SREK1IP1: variants seen among roughly 807,000 people sequenced by gnomAD.
SREK1IP1 encodes the protein protein SREK1IP1.
SREK1IP1 carries 12 observed loss-of-function variants against 22.8 expected under a neutral mutation model. The ratio of observed to expected loss-of-function variants is 0.53; its 90% CI spans 0.34 to 0.85. The LOEUF (loss-of-function observed/expected upper bound fraction) is 0.85, where lower values mean the gene tolerates loss of function less well. Ranked by LOEUF, SREK1IP1 falls within the 40% of genes least tolerant of loss-of-function variation. The pLI, the probability that SREK1IP1 is intolerant of heterozygous loss-of-function variation, is 0.02. For synonymous variants in SREK1IP1, 53 were observed against 52.7 expected (o/e 1.01, Z -0.02); for missense variants, 147 against 171.8 (o/e 0.86, Z 0.81).
In SREK1IP1 at chr5:64,729,252, C is replaced by A. The variant is rs76899208; in HGVS notation, c.206-1073G>T. Among the ~76,000 whole-genome samples the A allele has an allele frequency of 3.3e-5, 5 of 152,244 alleles. No homozygotes were observed. In the East Asian group the frequency reaches 9.7e-4, roughly 29 times the overall value. ...GTACTGGGTCTTTGCTGTGCATGAT[C>A]CTTGCCCACAGGGAACTTATAGTTA... On this transcript the variant is annotated intron_variant, in intron 3 of 4. Coordinates refer to ENST00000513458, the MANE Select transcript of SREK1IP1 (RefSeq NM_173829.4).
In SREK1IP1 at chr5:64,724,512, T is replaced by G. The variant is rs878983757; in HGVS notation, c.340A>C (p.Lys114Gln). ...TSKQKKQKYQKKEKKKEKKSK... is the reference protein window; with the variant it reads ...TSKQKKQKYQQKEKKKEKKSK... ...TTTTTTTCTTTTTTCTTTTCTTTCT[T>G]CTGATATTTTTGTTTCTTTTGTTTT... Residue 114 changes from lysine (K) to glutamine (Q), a missense_variant, in exon 5 of 5, where the codon AAG becomes CAG. Lys to Gln is a moderately conservative substitution (Grantham distance 53). Transcript: ENST00000513458. 1.4e-5 allele frequency: 22 copies of G among 1,591,860 alleles called. 1 individual carries two copies. The South Asian group carries it at 2.0e-4, about 14-fold the overall frequency.
At chr5:64,767,225 C>T (rs1421405195) in intron 1 of SREK1IP1, among the ~76,000 whole-genome samples, 1 of 152,206 alleles carries the variant, frequency 6.6e-6, no homozygotes, top group Non-Finnish European at 1.5e-5. Context: ...CTCCTAAGTG[C>T]TACCTCCTTT....
At chr5:64,724,619 A>G in intron 4 of SREK1IP1, 46 bp from the exon 5 acceptor site, 1 of 1,371,332 alleles carries the variant, frequency 7.3e-7, no homozygotes, top group Non-Finnish European at 9.7e-7. Context: ...TTTATGACTG[A>G]TAGATAAATT....
Position 64,728,171 on chromosome 5 carries a change from CA to C in SREK1IP1, c.213del (p.Asn71LysfsTer17). The C allele has an allele frequency of 2.2e-6, 3 of 1,387,916 alleles. No individual in the cohort carries two copies. The highest frequency in any genetic ancestry group is 2.8e-6 in the Non-Finnish European group (3 of 1,063,130). 86.0% of individuals were successfully genotyped at this position (1,387,916 alleles called of 1,614,324 possible). On this transcript the variant is annotated frameshift_variant, in exon 4 of 5. Coordinates refer to ENST00000513458, the MANE Select transcript of SREK1IP1 (RefSeq NM_173829.4). LOFTEE classifies it high-confidence loss of function. Reference sequence around the variant, plus strand: ...TTTTCTTTCTTCTTTTCCTCTTCTTCATTTATTCCTGTGGGGGAGAGGTGAG... The same window carrying C: ...TTTTCTTTCTTCTTTTCCTCTTCTTCTTTATTCCTGTGGGGGAGAGGTGAG... ...KLQALQEKRI[N>X]EEEEKKKEKS...
chr5:64,767,166 A>C (rs1432258695), intron 1 of SREK1IP1, among the ~76,000 whole-genome samples: 2 of 151,916 alleles, frequency 1.3e-5, no homozygotes, highest in Non-Finnish European at 2.9e-5. Context: ...AGTTCCTCCG[A>C]CTGCAGTCTC....
intron 3 of SREK1IP1, among the ~76,000 whole-genome samples, chr5:64,736,744 T>C (rs988229942): frequency 6.6e-6 from 1 of 152,088 alleles, no homozygotes; most frequent in Non-Finnish European, 1.5e-5. Context: ...ATTATAGGTG[T>C]GAGCCATCAT....
At chr5:64,754,512 T>G (rs947599435) in intron 1 of SREK1IP1, 150 bp from the exon 2 acceptor site, 1 of 665,624 alleles carries the variant, frequency 1.5e-6, no homozygotes, top group Non-Finnish European at 2.6e-6. Context: ...TCACCAAGGC[T>G]AGAGTACACT....
At chr5:64,754,794 A>T (rs1338599351) in intron 1 of SREK1IP1, 7 of 154,760 alleles carry the variant, frequency 4.5e-5, no homozygotes, top group Middle Eastern at 3.4e-3. Context: ...CAACAACAAA[A>T]AATCATCTCT....
intron 1 of SREK1IP1, among the ~76,000 whole-genome samples, chr5:64,759,106 A>G (rs762965732): frequency 2.0e-5 from 3 of 152,212 alleles, no homozygotes; most frequent in African/African-American, 4.8e-5. Context: ...CACTGGCAGT[A>G]GCAGCCCTAA....
intron 4 of SREK1IP1, among the ~76,000 whole-genome samples, chr5:64,726,504 A>G (rs1015696463): frequency 1.3e-5 from 2 of 149,140 alleles, no homozygotes; most frequent in Non-Finnish European, 3.0e-5. Flanking sequence ...TGAACCCGGG[A>G]GGCGGAGCTT....
In SREK1IP1 at chr5:64,768,595, ACAGT is replaced by A; in HGVS notation, c.-82_-79del. 1 of 1,608,418 alleles carries A rather than the reference ACAGT, an allele frequency of 6.2e-7. No homozygotes were observed. The highest frequency in any genetic ancestry group is 1.7e-5 in the Admixed American group (1 of 59,734). Reference sequence around the variant, plus strand: ...TTCCCGCCAGCTGTGAGAACAAGGCACAGTCAAAGCGGCGTTTTCCTTCCCCCAG... The same window carrying A: ...TTCCCGCCAGCTGTGAGAACAAGGCACAAAGCGGCGTTTTCCTTCCCCCAG... On this transcript the variant is annotated 5_prime_UTR_variant, in exon 1 of 5. Transcript: ENST00000513458.
In SREK1IP1 at chr5:64,721,229, C is replaced by T. The variant is rs1401513337; in HGVS notation, c.*3155G>A. The T allele has an allele frequency of 6.6e-6, 1 of 152,214 alleles. No homozygotes were observed. The highest frequency in any genetic ancestry group is 1.5e-5 in the Non-Finnish European group (1 of 68,046). The allele number at this position is 152,214 out of a possible 1,614,324, so 9.4% of individuals were successfully genotyped here. On this transcript the variant is annotated 3_prime_UTR_variant, in exon 5 of 5. Coordinates refer to ENST00000513458, the MANE Select transcript of SREK1IP1 (RefSeq NM_173829.4). ...TATGCTCTGGTGTTTCTCCTACCAA[C>T]TACACTGTGAAGTCCTTCAGGGAGG...
At chr5:64,763,165 T>C (rs1742980236) in intron 1 of SREK1IP1, among the ~76,000 whole-genome samples, 2 of 152,210 alleles carry the variant, frequency 1.3e-5, no homozygotes, top group African/African-American at 4.8e-5. Context: ...ATGAGATTTA[T>C]ACTGATATGA....
chr5:64,740,987 T>C, intron 3 of SREK1IP1, 70 bp downstream of exon 3: 1 of 1,381,880 alleles, frequency 7.2e-7, no homozygotes, highest in Non-Finnish European at 1.0e-6. Context: ...GTAAGTATAA[T>C]GGAAAGCATG....
At chr5:64,760,602 A>G (rs1251012472) in intron 1 of SREK1IP1, among the ~76,000 whole-genome samples, 1 of 152,184 alleles carries the variant, frequency 6.6e-6, no homozygotes, top group African/African-American at 2.4e-5. Flanking sequence ...CCAGATAAGC[A>G]CAACAAAGAG....
At chr5:64,757,802 T>C (rs1232392993) in intron 1 of SREK1IP1, among the ~76,000 whole-genome samples, 1 of 151,922 alleles carries the variant, frequency 6.6e-6, no homozygotes, top group Non-Finnish European at 1.5e-5. Context: ...GTAGTATTTA[T>C]GCATTTTTTT....
chr5:64,743,964 C>T (rs987874192), intron 2 of SREK1IP1, among the ~76,000 whole-genome samples: 4 of 152,136 alleles, frequency 2.6e-5, no homozygotes, highest in East Asian at 1.9e-4. Context: ...TAATTGGTCA[C>T]AGCCAGTGCC....
At chr5:64,738,529 A>G (rs552334970) in intron 3 of SREK1IP1, among the ~76,000 whole-genome samples, 8 of 135,048 alleles carry the variant, frequency 5.9e-5, no homozygotes, top group African/African-American at 2.2e-4. Flanking sequence ...ATACAGCCAA[A>G]GCAATCTTAA....
At position 64,719,609 on chromosome 5, in the gene SREK1IP1, A is replaced by G. The variant is rs903898166; in HGVS notation, c.*4775T>C. 3 of 152,182 alleles carry G rather than the reference A, an allele frequency of 2.0e-5. No individual in the cohort carries two copies. Among genetic ancestry groups the G allele is most frequent in the African/African-American group, 4.8e-5 (2 of 41,442 alleles). 9.4% of individuals were successfully genotyped at this position (152,182 alleles called of 1,614,324 possible). A position where few individuals can be genotyped will look rare whatever the true frequency, so the allele number is the denominator to read the frequency against. Reference sequence around the variant, plus strand: ...AAAATTTAGTTAAGGCACTGGCACCATTCTACTTTTGTTGCTCATGGCCAA... The same window carrying G: ...AAAATTTAGTTAAGGCACTGGCACCGTTCTACTTTTGTTGCTCATGGCCAA... On this transcript the variant is annotated 3_prime_UTR_variant, in exon 5 of 5. Transcript: ENST00000513458.
Sources: allele counts gnomAD v4.1 joint callset (sites outside exome capture counted in the v4.1 genomes callset), GRCh38; gene constraint gnomAD v4.1.1; transcripts MANE v1.5; gene names NCBI Gene and HGNC (gene_info 2026-07-23, HGNC 2026-07-21).